GRK1: variants seen among roughly 807,000 people sequenced by gnomAD.
GRK1 encodes G protein-coupled receptor kinase 1.
In GRK1, 28 loss-of-function variants were observed where a neutral mutation model predicts 41.7. That is an observed-to-expected ratio of 0.67 (90% CI 0.50 to 0.92). The LOEUF (loss-of-function observed/expected upper bound fraction) is 0.92. Among genes scored for constraint, GRK1 ranks in the 40% least tolerant of loss-of-function variants. GRK1 has a pLI of 0.00. For synonymous variants in GRK1, 327 were observed against 286.7 expected, an observed-to-expected ratio of 1.14 and a Z score of -1.42; for missense variants, 703 against 671.2, an observed-to-expected ratio of 1.05 and a Z score of -0.52.
upstream of GRK1, among the ~76,000 whole-genome samples, chr13:113,666,143 C>T (rs568459723): frequency 1.1e-4 from 15 of 141,372 alleles, no homozygotes; most frequent in African/African-American, 4.6e-4. Context: ...CCCGGTGTGT[C>T]TCAGGTGGGT....
At chr13:113,653,968 G>A in the GRK1 span, among the ~76,000 whole-genome samples, 1 of 152,232 alleles carries the variant, frequency 6.6e-6, no homozygotes, top group African/African-American at 2.4e-5. Context: ...GCAGAAACGT[G>A]TGTTTACTGC....
At chr13:113,665,310 C>A (rs1265004950), upstream of GRK1, among the ~76,000 whole-genome samples, 4 of 152,172 alleles carry the variant, frequency 2.6e-5, no homozygotes, top group Non-Finnish European at 5.9e-5. Flanking sequence ...GCTGACAATC[C>A]TATTGGTGTG....
At chr13:113,668,555 G>A (rs2049835449) in intron 1 of GRK1, among the ~76,000 whole-genome samples, 1 of 152,264 alleles carries the variant, frequency 6.6e-6, no homozygotes, top group South Asian at 2.1e-4. Flanking sequence ...AGAGCCTGGC[G>A]TGACGCCGGG....
At chr13:113,650,909 C>G in the GRK1 span, among the ~76,000 whole-genome samples, 2 of 152,228 alleles carry the variant, frequency 1.3e-5, no homozygotes, top group South Asian at 4.1e-4. The surrounding 1 kb of genome is among the most constrained non-coding windows in gnomAD (Gnocchi z 5.0). Flanking sequence ...TTGGGGCCCT[C>G]TCGTTTCAGA....
At chr13:113,733,563 A>C (rs2049955699) in intron 6 of GRK1, among the ~76,000 whole-genome samples, 1 of 137,274 alleles carries the variant, frequency 7.3e-6, no homozygotes, top group Non-Finnish European at 1.6e-5. Flanking sequence ...ACGTGTGTCC[A>C]TGTATGTGTA....
chr13:113,670,055 T>C (rs1414704735), intron 2 of GRK1, among the ~76,000 whole-genome samples: 4 of 152,124 alleles, frequency 2.6e-5, no homozygotes, highest in African/African-American at 9.7e-5. Flanking sequence ...GTCCTGTGTG[T>C]GGTCTTGGTG....
chr13:113,659,605 TA>T, the GRK1 span, among the ~76,000 whole-genome samples: 1 of 152,178 alleles, frequency 6.6e-6, no homozygotes, highest in Non-Finnish European at 1.5e-5. Context: ...TTATTTCTTT[TA>T]TTTTTTTGTA....
At chr13:113,655,034 C>G in the GRK1 span, 1 of 1,517,140 alleles carries the variant, frequency 6.6e-7, no homozygotes, top group Non-Finnish European at 8.9e-7. Context: ...TGTGGCGTGA[C>G]CATCTTCCCT....
At chr13:113,668,557 G>T (rs886550916) in intron 1 of GRK1, among the ~76,000 whole-genome samples, 20 of 152,270 alleles carry the variant, frequency 1.3e-4, no homozygotes, top group Non-Finnish European at 2.9e-5. Flanking sequence ...AGCCTGGCGT[G>T]ACGCCGGGGG....
At chr13:113,659,287 T>C in the GRK1 span, among the ~76,000 whole-genome samples, 35 of 152,176 alleles carry the variant, frequency 2.3e-4, no homozygotes, top group African/African-American at 8.4e-4. Flanking sequence ...AGGAGGTTGA[T>C]GGGAATGCAG....
In GRK1 at chr13:113,671,270, T is replaced by G. The variant is rs1374450618; in HGVS notation, c.828-229T>G. ...AAAGCAGGCGGACAGGAGACGCACG[T>G]GGACAGCACTTTCTCCCTGTTAGCA... On this transcript the variant is annotated intron_variant, in intron 2 of 6. Coordinates refer to ENST00000335678, the MANE Select transcript of GRK1 (RefSeq NM_002929.3). This position sits in a 1 kb window ranked among gnomAD's most constrained non-coding sequence, Gnocchi z 4.1. 6.6e-6 allele frequency among the ~76,000 whole-genome samples: 1 copy of G among 152,164 alleles called. No homozygotes were observed. Among genetic ancestry groups the G allele is most frequent in the African/African-American group, 2.4e-5 (1 of 41,432 alleles).
chr13:113,734,071 C>T (rs903988641), intron 6 of GRK1, among the ~76,000 whole-genome samples: 29 of 151,544 alleles, frequency 1.9e-4, no homozygotes, highest in African/African-American at 5.3e-4. Flanking sequence ...CATGTGTGTG[C>T]GTGTATGTGT....
chr13:113,733,842 T>G (rs36175984), intron 6 of GRK1, among the ~76,000 whole-genome samples: 2 of 126,150 alleles, frequency 1.6e-5, no homozygotes, highest in Non-Finnish European at 3.2e-5. Flanking sequence ...CACGTGCGTG[T>G]GCATGTGTAT....
At chr13:113,733,914 GTGCGTGTGTGCATGTGTGCA>G (rs2049975268) in intron 6 of GRK1, among the ~76,000 whole-genome samples, 1 of 96,168 alleles carries the variant, frequency 1.0e-5, no homozygotes, top group East Asian at 3.6e-4. Context: ...TGCATACAGT[GTGCGTGTGTGCATGTGTGCA>G]TACGTGTGTG....
At position 113,667,280 on chromosome 13, in the gene GRK1, C is replaced by T. The variant is rs896670560; in HGVS notation, c.-107C>T. 23 of 1,126,732 alleles carry T rather than the reference C, an allele frequency of 2.0e-5. No individual in the cohort carries two copies. The highest frequency in any genetic ancestry group is 5.6e-4 in the Middle Eastern group (2 of 3,556). 69.8% of individuals were successfully genotyped at this position (1,126,732 alleles called of 1,614,324 possible). A position where few individuals can be genotyped will look rare whatever the true frequency, so the allele number is the denominator to read the frequency against. On this transcript the variant is annotated 5_prime_UTR_variant, in exon 1 of 7. It adds an upstream start codon to the 5' untranslated region. Transcript: ENST00000335678. This position sits in a 1 kb window ranked among gnomAD's most constrained non-coding sequence, Gnocchi z 7.5. The stretch of plus-strand genomic sequence containing the variant: ...CTCTCTCGTCCAGCAAGGGCAGGGA[C>T]GGGCCACAGGCCAAGGGCAGCAGTC...
At chr13:113,658,108 G>T in the GRK1 span, 4 of 1,612,706 alleles carry the variant, frequency 2.5e-6, no homozygotes, top group Non-Finnish European at 2.5e-6. Flanking sequence ...TCCTCCATGC[G>T]CTGGCCACAC....
chr13:113,669,347 G>T (rs746719408), intron 1 of GRK1, among the ~76,000 whole-genome samples: 1 of 152,238 alleles, frequency 6.6e-6, no homozygotes, highest in East Asian at 1.9e-4. Flanking sequence ...TGGACAGGAG[G>T]GAGGGCTGTG....
chr13:113,653,524 C>T, the GRK1 span: 153 of 1,185,524 alleles, frequency 1.3e-4, no homozygotes, highest in South Asian at 6.7e-4. Context: ...ACGCCAGAGG[C>T]GGTGGCCCAA....
In GRK1 at chr13:113,667,632, C is replaced by T. The variant is rs368926839; in HGVS notation, c.246C>T (p.His82=). ...AGTTCCTACAATCGGCAGAGAAGCA[C>T]CTGCCGGCCCTGGAGCTCTGGAAAG... ...FQQFLQSAEK[H]LPALELWKDI... The change falls in exon 1 of 7, where the codon CAC becomes CAT. Residue 82 remains histidine (H), a synonymous_variant. Coordinates refer to ENST00000335678, the MANE Select transcript of GRK1 (RefSeq NM_002929.3). This position sits in a 1 kb window ranked among gnomAD's most constrained non-coding sequence, Gnocchi z 7.5. 7.4e-6 allele frequency: 12 copies of T among 1,613,446 alleles called. No individual in the cohort carries two copies. The African/African-American group carries it at 1.1e-4, about 14-fold the overall frequency.
Sources: gnomAD v4.1 joint callset for allele counts (sites outside exome capture counted in the v4.1 genomes callset) on GRCh38, gnomAD v4.1.1 for gene constraint, Gnocchi (gnomAD v3.1) non-coding constraint, MANE v1.5 for transcripts, NCBI Gene and HGNC (gene_info 2026-07-23, HGNC 2026-07-21) for gene names.